Variants in MPPED1 observed in about 807,000 individuals in gnomAD.
The protein encoded by MPPED1 is metallophosphoesterase domain-containing protein 1.
In MPPED1, 16 loss-of-function variants were observed where a neutral mutation model predicts 36.2. The observed-to-expected ratio is 0.44, with a 90% confidence interval of 0.30 to 0.67. The LOEUF is 0.67. Among genes scored for constraint, MPPED1 ranks in the 30% least tolerant of loss-of-function variants. The pLI is 0.10. For synonymous variants in MPPED1, 199 were observed against 191.3 expected (o/e 1.04, Z -0.33); for missense variants, 307 against 453.4 (o/e 0.68, Z 2.93).
At position 43,425,072 on chromosome 22, in the gene MPPED1, G is replaced by A. The variant is rs537951611; in HGVS notation, c.87G>A (p.Gln29=). The part of the protein sequence containing the change: ...LPCGLGMAFS[Q]SHVMAARRHQ... ...GCGGCCTGGGCATGGCATTCTCCCA[G>A]TCCCACGTGATGGCCGCTCGGCGGC... Residue 29 remains glutamine, a synonymous_variant, in exon 2 of 7, where the codon CAG becomes CAA. Transcript: ENST00000443721. The A allele has an allele frequency of 2.5e-6, 4 of 1,613,516 alleles. No homozygotes were observed. Among genetic ancestry groups the A allele is most frequent in the Admixed American group, 3.3e-5 (2 of 60,002 alleles).
intron 2 of MPPED1, 37 bp from the exon 3 acceptor site, chr22:43,434,997 A>G: frequency 6.2e-7 from 1 of 1,601,384 alleles, no homozygotes; most frequent in Non-Finnish European, 8.5e-7. Flanking sequence ...TCGCGGCTCC[A>G]TGGCCTCCTG....
rs1302188987 is a variant in MPPED1 at position 43,427,099 on chromosome 22, G to A, written c.224+1890G>A. 2.6e-5 allele frequency among the ~76,000 whole-genome samples: 4 copies of A among 152,234 alleles called. No homozygotes were observed. The East Asian group carries it at 7.7e-4, about 29-fold the overall frequency. ...CTGCCCAGTGGGCAAGGAGAGAGCA[G>A]CAAGGCCTCCCAGGGCAGGTGGGGT... is the stretch of plus-strand genomic sequence containing the variant. On this transcript the variant is annotated intron_variant, in intron 2 of 6. Coordinates refer to ENST00000443721, the MANE Select transcript of MPPED1 (RefSeq NM_001044370.2).
At chr22:43,414,958 GCCTT>G (rs1929025755) in intron 1 of MPPED1, among the ~76,000 whole-genome samples, 1 of 152,100 alleles carries the variant, frequency 6.6e-6, no homozygotes, top group Non-Finnish European at 1.5e-5. Flanking sequence ...AGAGGTAGGG[GCCTT>G]CCTTCTGGCC....
At chr22:43,498,602 A>G (rs1225121135) in intron 5 of MPPED1, among the ~76,000 whole-genome samples, 1 of 151,974 alleles carries the variant, frequency 6.6e-6, no homozygotes, top group Non-Finnish European at 1.5e-5. Flanking sequence ...TGCCCATTTG[A>G]CAGGTGGGAC....
intron 1 of MPPED1, among the ~76,000 whole-genome samples, chr22:43,415,855 G>T (rs1477130680): frequency 6.6e-6 from 1 of 152,174 alleles, no homozygotes; most frequent in Non-Finnish European, 1.5e-5. Context: ...TTCCAAGAAG[G>T]ATGTGAGGCT....
At chr22:43,495,789 A>AGGT (rs1932299800) in intron 4 of MPPED1, among the ~76,000 whole-genome samples, 1 of 8,242 alleles carries the variant, frequency 1.2e-4, no homozygotes, top group African/African-American at 1.9e-3. Flanking sequence ...GTGGTGGTGG[A>AGGT]GGTGGTGATG....
intron 3 of MPPED1, among the ~76,000 whole-genome samples, chr22:43,450,351 C>A (rs1930521119): frequency 6.6e-6 from 1 of 152,230 alleles, no homozygotes. Context: ...GCCTCAGTGT[C>A]TTCACCTAAA....
At chr22:43,489,338 G>C (rs1932012753) in intron 4 of MPPED1, among the ~76,000 whole-genome samples, 1 of 152,066 alleles carries the variant, frequency 6.6e-6, no homozygotes, top group Non-Finnish European at 1.5e-5. Flanking sequence ...GTGTGGCTCA[G>C]AGGCCTCTAG....
At chr22:43,414,688 CAA>C (rs1929016260) in intron 1 of MPPED1, among the ~76,000 whole-genome samples, 1 of 152,184 alleles carries the variant, frequency 6.6e-6, no homozygotes, top group African/African-American at 2.4e-5. Flanking sequence ...GATTGTCTGT[CAA>C]AGTCTTTAAT....
chr22:43,423,958 C>G (rs777525973), intron 1 of MPPED1, among the ~76,000 whole-genome samples: 1 of 152,276 alleles, frequency 6.6e-6, no homozygotes, highest in South Asian at 2.1e-4. Flanking sequence ...ACTAACGAGG[C>G]GTCGGCCATT....
intron 1 of MPPED1, chr22:43,417,125 C>T (rs2146810208): frequency 3.6e-6 from 2 of 562,398 alleles, no homozygotes; most frequent in South Asian, 7.8e-5. Flanking sequence ...AATTTAAAAT[C>T]ATGTAGTCAT....
chr22:43,458,150 A>G (rs1457778510), intron 3 of MPPED1, among the ~76,000 whole-genome samples: 1 of 152,192 alleles, frequency 6.6e-6, no homozygotes, highest in East Asian at 1.9e-4. Context: ...CTGTTTGTAC[A>G]ATATCAAAAT....
chr22:43,488,090 TG>T (rs912401668), intron 4 of MPPED1, among the ~76,000 whole-genome samples: 6 of 151,938 alleles, frequency 3.9e-5, no homozygotes, highest in Non-Finnish European at 7.4e-5. Context: ...CTGCCTCTCT[TG>T]GGGGGGTGTG....
intron 4 of MPPED1, among the ~76,000 whole-genome samples, chr22:43,492,723 C>T (rs1401175805): frequency 6.6e-6 from 1 of 152,172 alleles, no homozygotes; most frequent in African/African-American, 2.4e-5. Flanking sequence ...GTGTAGGGGA[C>T]TTGCTTTCTT....
intron 1 of MPPED1, among the ~76,000 whole-genome samples, chr22:43,415,514 T>C (rs1929050794): frequency 6.6e-6 from 1 of 152,070 alleles, no homozygotes; most frequent in African/African-American, 2.4e-5. Context: ...TCATAACAAA[T>C]TGAGATTATA....
intron 3 of MPPED1, among the ~76,000 whole-genome samples, chr22:43,441,164 C>G (rs772525439): frequency 5.9e-5 from 9 of 152,196 alleles, no homozygotes; most frequent in Non-Finnish European, 1.3e-4. Flanking sequence ...CTGTCCCAAA[C>G]TGAACTCCCA....
chr22:43,449,323 A>G (rs1022686648), intron 3 of MPPED1, among the ~76,000 whole-genome samples: 2 of 152,056 alleles, frequency 1.3e-5, no homozygotes, highest in Non-Finnish European at 2.9e-5. Context: ...ACTGAGGCCC[A>G]GTGCGGAGAG....
At position 43,425,006 on chromosome 22, in the gene MPPED1, T is replaced by G. The variant is rs551707827; in HGVS notation, c.21T>G (p.Asp7Glu). Reference sequence around the variant, plus strand: ...GGTCCATGTGGCGCTCTAGGTGGGATGCCAGCGTCCTGAAGGCGGAGGCCC... The same window carrying G: ...GGTCCATGTGGCGCTCTAGGTGGGAGGCCAGCGTCCTGAAGGCGGAGGCCC... MWRSRW[D>E]ASVLKAEALA... Residue 7 changes from aspartate to glutamate, a missense_variant, in exon 2 of 7, where the codon GAT (aspartate) becomes GAG (glutamate). Asp to Glu is a conservative substitution (Grantham distance 45, BLOSUM62 2). Transcript: ENST00000443721. 11 of 1,603,678 alleles carry G rather than the reference T, an allele frequency of 6.9e-6. No homozygotes were observed. Among genetic ancestry groups the G allele is most frequent in the Middle Eastern group, 3.3e-4 (2 of 6,046 alleles).
chr22:43,494,747 C>T (rs868733806), intron 4 of MPPED1, among the ~76,000 whole-genome samples: 3 of 124,568 alleles, frequency 2.4e-5, no homozygotes, highest in African/African-American at 6.5e-5. Flanking sequence ...TTAGACCATT[C>T]GGGCTGCTAC....
Sources: gnomAD v4.1 joint callset for allele counts (sites outside exome capture counted in the v4.1 genomes callset) on GRCh38, gnomAD v4.1.1 for gene constraint, MANE v1.5 for transcripts, NCBI Gene and HGNC (gene_info 2026-07-23, HGNC 2026-07-21) for gene names.